Variants in KCNH5 observed in about 807,000 individuals in gnomAD.
The protein encoded by KCNH5 is voltage-gated delayed rectifier potassium channel KCNH5.
In KCNH5, 46 loss-of-function variants were observed where a neutral mutation model predicts 96.1. The observed-to-expected ratio is 0.48, with a 90% CI of 0.38 to 0.61. The LOEUF is 0.61. KCNH5 is among the 20% of genes least tolerant of loss of function. The probability of loss-of-function intolerance (pLI) is 0.00; values close to 1 mark genes in which losing one functional copy is unlikely to be tolerated. For synonymous variants in KCNH5, 439 were observed against 449.8 expected, an observed-to-expected ratio of 0.98 and a Z score of 0.30; for missense variants, 907 against 1,225.8, an observed-to-expected ratio of 0.74 and a Z score of 3.88.
At chr14:62,780,020 G>T in intron 9 of KCNH5, 96 bp from the exon 10 acceptor site, 1 of 977,102 alleles carries the variant, frequency 1.0e-6, no homozygotes. Flanking sequence ...TGACCTTCTA[G>T]CATAATTTAG....
intron 6 of KCNH5, among the ~76,000 whole-genome samples, chr14:62,979,819 A>G (rs947686946): frequency 7.2e-5 from 11 of 152,204 alleles, no homozygotes; most frequent in Admixed American, 5.9e-4. Flanking sequence ...AAGCTTCTAC[A>G]TATTTTAAGT....
rs1418416285 is a variant in KCNH5 at position 62,770,284 on chromosome 14, A to G, written c.2019+9444T>C. Among the ~76,000 whole-genome samples the G allele has an allele frequency of 2.6e-5, 4 of 152,336 alleles. 1 individual carries two copies. The East Asian group carries it at 7.7e-4, about 29-fold the overall frequency. ...TTTTCATTTACAAAAGATCATTGCTACTGAGAAGCTTCATTGATCACAGAA... is the reference window on the plus strand; with the variant it reads ...TTTTCATTTACAAAAGATCATTGCTGCTGAGAAGCTTCATTGATCACAGAA... On this transcript the variant is annotated intron_variant, in intron 10 of 10. Coordinates refer to ENST00000322893, the MANE Select transcript of KCNH5 (RefSeq NM_139318.5).
At chr14:62,760,194 C>G (rs1220736838) in intron 10 of KCNH5, among the ~76,000 whole-genome samples, 1 of 152,156 alleles carries the variant, frequency 6.6e-6, no homozygotes, top group Non-Finnish European at 1.5e-5. Flanking sequence ...ATTTGACATC[C>G]TAGTTTCTGA....
rs552138344 is a variant in KCNH5 at position 62,747,340 on chromosome 14, GA to G, written c.2019+32387del. On this transcript the variant is annotated intron_variant, in intron 10 of 10. Coordinates refer to ENST00000322893, the MANE Select transcript of KCNH5 (RefSeq NM_139318.5). ...ACAAGAGTGAAACTTTGTCTCAAAA[GA>G]AAAAAAAAAAAGCAAACTCAGCTCT... is the stretch of plus-strand genomic sequence containing the variant. 3.2e-3 allele frequency among the ~76,000 whole-genome samples: 431 copies of G among 133,770 alleles called. 3 individuals are homozygous for G. The highest frequency in any genetic ancestry group is 7.2e-3 in the African/African-American group (264 of 36,424). The allele number at this position is 133,770 out of a possible 152,430, so 87.8% of individuals were successfully genotyped here.
chr14:62,913,015 T>C (rs932049121), intron 7 of KCNH5, among the ~76,000 whole-genome samples: 3 of 152,236 alleles, frequency 2.0e-5, no homozygotes, highest in African/African-American at 4.8e-5. Flanking sequence ...AATGTATCTA[T>C]ATTTTCCAAT....
intron 7 of KCNH5, among the ~76,000 whole-genome samples, chr14:62,943,210 C>G (rs371339962): frequency 2.0e-5 from 3 of 152,104 alleles, no homozygotes; most frequent in Admixed American, 2.0e-4. Context: ...CTGGATTAAA[C>G]TAAAATACAG....
intron 8 of KCNH5, among the ~76,000 whole-genome samples, chr14:62,808,227 AT>A (rs1330199585): frequency 6.6e-6 from 1 of 152,130 alleles, no homozygotes; most frequent in African/African-American, 2.4e-5. Flanking sequence ...GGGAATGTGG[AT>A]TTTTTTGTGT....
intron 10 of KCNH5, among the ~76,000 whole-genome samples, chr14:62,747,697 T>G (rs1267741539): frequency 1.3e-5 from 2 of 152,166 alleles, no homozygotes; most frequent in African/African-American, 2.4e-5. Flanking sequence ...GAAACGCAAT[T>G]CATGAACTAA....
intron 10 of KCNH5, among the ~76,000 whole-genome samples, chr14:62,725,217 A>G (rs1884897717): frequency 6.6e-6 from 1 of 152,216 alleles, no homozygotes; most frequent in Non-Finnish European, 1.5e-5. Flanking sequence ...ACTCAAAGCC[A>G]CTTGTACTCC....
chr14:62,828,747 C>T (rs117351054), intron 8 of KCNH5, among the ~76,000 whole-genome samples: 1,940 of 152,228 alleles, frequency 0.013, 24 homozygotes, highest in South Asian at 0.034. Context: ...CATTCCATCC[C>T]TGGCCCCTCC....
At chr14:62,817,990 G>A (rs1407249399) in intron 8 of KCNH5, among the ~76,000 whole-genome samples, 1 of 149,718 alleles carries the variant, frequency 6.7e-6, no homozygotes, top group Non-Finnish European at 1.5e-5. Context: ...AGGACATTGA[G>A]CTAAGTGAAA....
intron 9 of KCNH5, among the ~76,000 whole-genome samples, chr14:62,786,027 C>T (rs1232559439): frequency 1.3e-5 from 2 of 152,058 alleles, no homozygotes; most frequent in African/African-American, 2.4e-5. Context: ...CCCATTTCTA[C>T]TAAAAATACA....
At chr14:62,920,917 T>C (rs1167238644) in intron 7 of KCNH5, among the ~76,000 whole-genome samples, 2 of 152,180 alleles carry the variant, frequency 1.3e-5, no homozygotes, top group African/African-American at 2.4e-5. Context: ...AAAGAAATTA[T>C]GCAAACTGCA....
intron 10 of KCNH5, among the ~76,000 whole-genome samples, chr14:62,774,651 GA>G (rs1192471101): frequency 6.6e-6 from 1 of 152,140 alleles, no homozygotes; most frequent in Non-Finnish European, 1.5e-5. Context: ...TCAATTTAAT[GA>G]ATACCATTTT....
intron 10 of KCNH5, among the ~76,000 whole-genome samples, chr14:62,774,915 C>A (rs1886064454): frequency 6.6e-6 from 1 of 152,124 alleles, no homozygotes. Flanking sequence ...TGGACCTCTC[C>A]TTAAAAGAAT....
At chr14:62,797,289 C>A (rs1431531773) in intron 9 of KCNH5, among the ~76,000 whole-genome samples, 1 of 152,114 alleles carries the variant, frequency 6.6e-6, no homozygotes, top group African/African-American at 2.4e-5. Flanking sequence ...CATAGATAAA[C>A]AATGTTATAA....
chr14:62,837,320 T>A (rs1887484730), intron 8 of KCNH5, among the ~76,000 whole-genome samples: 1 of 152,228 alleles, frequency 6.6e-6, no homozygotes, highest in African/African-American at 2.4e-5. Context: ...AACAATGTCT[T>A]GAATGTAAGC....
At position 62,987,326 on chromosome 14, in the gene KCNH5, T is replaced by G. The variant is rs917105456; in HGVS notation, c.434-139A>C. ...AAGTATCAAACAAAAGTATTTTCTT[T>G]CCTTCTGTATAGACATGCTCATATA... On this transcript the variant is annotated intron_variant, in intron 4 of 10. Transcript: ENST00000322893. 6.2e-6 allele frequency: 4 copies of G among 645,372 alleles called. No homozygotes were observed. In the African/African-American group the frequency reaches 7.3e-5, roughly 12 times the overall value. 40.0% of individuals were successfully genotyped at this position (645,372 alleles called of 1,614,324 possible).
intron 6 of KCNH5, among the ~76,000 whole-genome samples, chr14:62,957,598 T>C (rs1483297355): frequency 6.6e-6 from 1 of 152,226 alleles, no homozygotes; most frequent in Non-Finnish European, 1.5e-5. Flanking sequence ...CTAGACTGAC[T>C]TTAGGACTTG....
Sources: gnomAD v4.1 joint callset for allele counts (sites outside exome capture counted in the v4.1 genomes callset) on GRCh38, gnomAD v4.1.1 for gene constraint, MANE v1.5 for transcripts, NCBI Gene and HGNC (gene_info 2026-07-23, HGNC 2026-07-21) for gene names.